MCF2L: variants seen among roughly 807,000 people sequenced by gnomAD.
The protein encoded by MCF2L is guanine nucleotide exchange factor DBS.
In MCF2L, 97 loss-of-function variants were observed where a neutral mutation model predicts 153.4. The observed-to-expected ratio is 0.63, with a 90% CI of 0.54 to 0.75. The LOEUF is 0.75. MCF2L is among the 30% of genes least tolerant of loss of function. The pLI is 0.00. For missense variants in MCF2L, 1,347 were observed against 1,495.2 expected, an observed-to-expected ratio of 0.90 and a Z score of 1.64; for synonymous variants, 659 against 632.2, an observed-to-expected ratio of 1.04 and a Z score of -0.64.
chr13:112,920,068 T>G (rs2081337094), intron 2 of MCF2L, among the ~76,000 whole-genome samples: 1 of 151,922 alleles, frequency 6.6e-6, no homozygotes, highest in Admixed American at 6.6e-5. Context: ...CCTCCCACAG[T>G]TTGGAGTTTT....
rs537710431 is a variant in MCF2L at position 112,993,759 on chromosome 13, A to G, written c.80-21004A>G. On this transcript the variant is annotated intron_variant, in intron 1 of 29. Transcript: ENST00000535094. This position sits in a 1 kb window ranked among gnomAD's most constrained non-coding sequence, Gnocchi z 4.6. ...GGTGATCCCATCCCATTTTAGCACC[A>G]GAAGTGGCTGTGTGAGCTGGGAATG... Among the ~76,000 whole-genome samples, 38 of 152,264 alleles carry G rather than the reference A, an allele frequency of 2.5e-4. No homozygotes were observed. Among genetic ancestry groups the G allele is most frequent in the Non-Finnish European group, 4.6e-4 (31 of 68,024 alleles).
At chr13:113,057,635 GTTTGGGTGCTGAGTGTTTA>G (rs2030364046) in intron 4 of MCF2L, among the ~76,000 whole-genome samples, 3 of 65,450 alleles carry the variant, frequency 4.6e-5, no homozygotes, top group Admixed American at 2.9e-4. Flanking sequence ...GGTGCTGAGT[GTTTGGGTGCTGAGTGTTTA>G]GGTGCTGTGT....
chr13:113,043,289 GGACTTGAAAGCATTT>G (rs1461318806), intron 3 of MCF2L: 11 of 152,358 alleles, frequency 7.2e-5, no homozygotes, highest in African/African-American at 2.6e-4. Flanking sequence ...CCCTGCTTCA[GGACTTGAAAGCATTT>G]GACTGGGTTC....
In MCF2L at chr13:113,085,280, G is replaced by A; in HGVS notation, c.2247+102G>A. On this transcript the variant is annotated intron_variant, in intron 20 of 29. Coordinates refer to ENST00000535094, the MANE Select transcript of MCF2L (RefSeq NM_001112732.3). ...CCCCATCGCGCCCTGCCCCTCCCAGGCCAAGGGCACCTCTTCCGAGCCTGT... is the reference window on the plus strand; with the variant it reads ...CCCCATCGCGCCCTGCCCCTCCCAGACCAAGGGCACCTCTTCCGAGCCTGT... The A allele has an allele frequency of 1.3e-5, 12 of 929,036 alleles. No individual in the cohort carries two copies. The South Asian group carries it at 1.4e-4, about 11-fold the overall frequency. The allele number at this position is 929,036 out of a possible 1,614,324, so 57.5% of individuals were successfully genotyped here.
intron 4 of MCF2L, 148 bp from the exon 5 acceptor site, chr13:113,060,445 A>G (rs1361265808): frequency 1.2e-6 from 1 of 833,504 alleles, no homozygotes; most frequent in East Asian, 2.5e-5. Flanking sequence ...CATCTCTACC[A>G]TGTTTATCTC....
At chr13:112,910,855 A>G (rs952178567) in intron 2 of MCF2L, among the ~76,000 whole-genome samples, 3 of 152,156 alleles carry the variant, frequency 2.0e-5, no homozygotes, top group Non-Finnish European at 4.4e-5. Context: ...GGGGGGTGTT[A>G]ATTACCTAAC....
At chr13:113,006,588 C>G (rs1250441356) in intron 1 of MCF2L, among the ~76,000 whole-genome samples, 1 of 152,232 alleles carries the variant, frequency 6.6e-6, no homozygotes, top group Non-Finnish European at 1.5e-5. Flanking sequence ...TGCCTCTGAA[C>G]CGGAAAGGCG....
chr13:113,089,979 G>T, intron 26 of MCF2L: 1 of 1,598,408 alleles, frequency 6.3e-7, no homozygotes, highest in Non-Finnish European at 8.5e-7. Context: ...GCAACCCGGA[G>T]CCGCCTTGGG....
At chr13:113,055,159 G>A (rs1195317150) in intron 4 of MCF2L, among the ~76,000 whole-genome samples, 1 of 151,976 alleles carries the variant, frequency 6.6e-6, no homozygotes, top group Non-Finnish European at 1.5e-5. Flanking sequence ...TGTGTACATC[G>A]TTAGCACCTT....
intron 1 of MCF2L, among the ~76,000 whole-genome samples, chr13:112,898,192 G>A (rs530294582): frequency 1.3e-5 from 2 of 152,174 alleles, no homozygotes; most frequent in African/African-American, 4.8e-5. Flanking sequence ...CCCAGTGCCT[G>A]GGATGAGACA....
Position 113,096,465 on chromosome 13 carries a change from A to T in MCF2L, c.3170A>T (p.Glu1057Val). 6.3e-7 allele frequency: 1 copy of T among 1,588,530 alleles called. No individual in the cohort carries two copies. Among genetic ancestry groups the T allele is most frequent in the Non-Finnish European group, 8.6e-7 (1 of 1,168,838 alleles). The change falls in exon 28 of 30, where the codon GAG (glutamate) becomes GTG (valine). Residue 1057 changes from glutamate (E) to valine (V), a missense_variant. Around this residue, in one of 3 missense-constraint regions of MCF2L, gnomAD observed 383 missense variants for 335.4 expected, o/e 1.14. Transcript: ENST00000535094. ...GGGGACGTGGTGGAGCTGGTGCAGG[A>T]GGGCGACGAGGGCCTCTGGTAAGAC... ...RSGDVVELVQ[E>V]GDEGLWYVRD...
At chr13:113,038,087 T>C (rs2086255958) in intron 3 of MCF2L, among the ~76,000 whole-genome samples, 1 of 152,130 alleles carries the variant, frequency 6.6e-6, no homozygotes, top group Admixed American at 6.5e-5. Context: ...TATAATCACA[T>C]CAAAATTGAG....
chr13:112,991,766 C>T (rs922274868), intron 1 of MCF2L, among the ~76,000 whole-genome samples: 2 of 152,170 alleles, frequency 1.3e-5, no homozygotes, highest in Admixed American at 1.3e-4. Context: ...GAGCCAGGAG[C>T]CCTTCCCTGC....
chr13:112,925,612 C>T (rs1339580564), intron 2 of MCF2L, among the ~76,000 whole-genome samples: 1 of 152,178 alleles, frequency 6.6e-6, no homozygotes, highest in Non-Finnish European at 1.5e-5. Context: ...ACTAGCTTCT[C>T]TGGTAGTGGT....
upstream of MCF2L, chr13:112,967,336 T>C (rs567660335): frequency 1.3e-5 from 2 of 152,272 alleles, no homozygotes; most frequent in South Asian, 2.1e-4. Context: ...CAGGGAACGC[T>C]TGTCCACAGA....
intron 15 of MCF2L, among the ~76,000 whole-genome samples, chr13:113,080,349 C>T (rs751676080): frequency 6.6e-6 from 1 of 152,090 alleles, no homozygotes; most frequent in Admixed American, 6.5e-5. Flanking sequence ...AGCAAGTGCT[C>T]GGCCCTGAGA....
intron 2 of MCF2L, among the ~76,000 whole-genome samples, chr13:113,023,018 T>C (rs372789742): frequency 1.3e-3 from 197 of 152,252 alleles, no homozygotes; most frequent in African/African-American, 4.7e-3. Flanking sequence ...GTTCGGAGGA[T>C]AGAAGTCATC....
intron 1 of MCF2L, chr13:112,979,634 C>A (rs762192731): frequency 1.7e-5 from 28 of 1,612,286 alleles, no homozygotes; most frequent in Middle Eastern, 3.3e-4. Flanking sequence ...GAGCTGCCTC[C>A]GCTTTGTAGC....
rs776792020 is a variant in MCF2L at position 113,024,614 on chromosome 13, G to A, written c.164-30G>A. 5 of 1,521,044 alleles carry A rather than the reference G, an allele frequency of 3.3e-6. No individual in the cohort carries two copies. In the African/African-American group the frequency reaches 5.5e-5, roughly 17 times the overall value. The allele number at this position is 1,521,044 out of a possible 1,614,324, so 94.2% of individuals were successfully genotyped here. On this transcript the variant is annotated intron_variant, in intron 2 of 29. Transcript: ENST00000535094. The stretch of plus-strand genomic sequence containing the variant: ...AACCCCCGGGGGCATGGAGCCCTCG[G>A]CTAAGGGTCTGCCTCTGGTCTCTCC...
Sources: allele counts gnomAD v4.1 joint callset (sites outside exome capture counted in the v4.1 genomes callset), GRCh38; gene constraint gnomAD v4.1.1; regional missense constraint gnomAD v4.1.1; non-coding constraint Gnocchi (gnomAD v3.1); transcripts MANE v1.5; gene names NCBI Gene and HGNC (gene_info 2026-07-23, HGNC 2026-07-21).